The following EXD1 variants were observed in gnomAD, a reference collection of about 807,000 sequenced individuals.
EXD1 encodes piRNA biogenesis protein EXD1.
EXD1 carries 63 observed loss-of-function variants against 49.1 expected under a neutral mutation model. The ratio of observed to expected loss-of-function variants is 1.28; its 90% confidence interval spans 1.05 to 1.58. The LOEUF (loss-of-function observed/expected upper bound fraction) is 1.58. Among genes scored for constraint, EXD1 ranks in the 40% most tolerant of loss-of-function variants. The probability of loss-of-function intolerance (pLI) is 0.00; values close to 1 mark genes in which losing one functional copy is unlikely to be tolerated. For missense variants in EXD1, 748 were observed against 666.0 expected, an observed-to-expected ratio of 1.12 and a Z score of -1.36; for synonymous variants, 234 against 239.2, an observed-to-expected ratio of 0.98 and a Z score of 0.20.
intron 7 of EXD1, among the ~76,000 whole-genome samples, chr15:41,198,613 T>C (rs2046653570): frequency 6.6e-6 from 1 of 151,926 alleles, no homozygotes. Context: ...CACTTGAGCC[T>C]AGGAGCTCCA....
chr15:41,192,639 G>T, intron 9 of EXD1, among the ~76,000 whole-genome samples: 1 of 102,008 alleles, frequency 9.8e-6, no homozygotes, highest in Admixed American at 1.4e-4. Flanking sequence ...TTTTGAGATA[G>T]GGTCTTGCTC....
chr15:41,223,874 G>GA (rs1042144185), intron 2 of EXD1, among the ~76,000 whole-genome samples: 40 of 151,804 alleles, frequency 2.6e-4, no homozygotes, highest in Admixed American at 1.1e-3. Context: ...CAAAAAAAAA[G>GA]AAAAAATTAA....
At chr15:41,226,357 C>T in intron 2 of EXD1, 86 bp downstream of exon 2, 3 of 1,275,658 alleles carry the variant, frequency 2.4e-6, no homozygotes, top group Middle Eastern at 1.9e-4. Flanking sequence ...AGGAATAATG[C>T]CACCCTCCCA....
At position 41,189,918 on chromosome 15, in the gene EXD1, G is replaced by C; in HGVS notation, c.1056+19C>G. The C allele has an allele frequency of 6.2e-7, 1 of 1,609,628 alleles. No homozygotes were observed. Among genetic ancestry groups the C allele is most frequent in the South Asian group, 1.1e-5 (1 of 91,000 alleles). ...GAGAAGGCAGAAAGGAGGTCCTGAA[G>C]ACAGAGAGCTGCACCTACCTCAGTG... is the stretch of plus-strand genomic sequence containing the variant. On this transcript the variant is annotated intron_variant, in intron 11 of 11. Transcript: ENST00000458580.
In EXD1 at chr15:41,195,718, CT is replaced by C. The variant is rs1484237662; in HGVS notation, c.720+56del. ...CACTCATCAGATGACCAGATGAGCC[CT>C]TTTATCTACAGGAGCTGTATATACT... is the stretch of plus-strand genomic sequence containing the variant. On this transcript the variant is annotated intron_variant, in intron 9 of 11. Coordinates refer to ENST00000458580, the MANE Select transcript of EXD1 (RefSeq NM_001286441.2). The C allele has an allele frequency of 2.1e-6, 3 of 1,403,088 alleles. No individual in the cohort carries two copies. In the East Asian group the frequency reaches 7.3e-5, roughly 34 times the overall value. The allele number at this position is 1,403,088 out of a possible 1,614,324, so 86.9% of individuals were successfully genotyped here.
chr15:41,211,288 T>C (rs1236571290), intron 6 of EXD1, among the ~76,000 whole-genome samples: 2 of 151,878 alleles, frequency 1.3e-5, no homozygotes, highest in South Asian at 2.1e-4. Flanking sequence ...ATTTTTTGTA[T>C]TTTTTGTAGG....
At chr15:41,225,919 A>C (rs985626020) in intron 2 of EXD1, among the ~76,000 whole-genome samples, 2 of 124,216 alleles carry the variant, frequency 1.6e-5, no homozygotes, top group African/African-American at 7.3e-5. Flanking sequence ...AACAAAAAAA[A>C]CCTTTTTATA....
chr15:41,221,715 G>A (rs1460052862), intron 2 of EXD1, among the ~76,000 whole-genome samples: 5 of 151,592 alleles, frequency 3.3e-5, no homozygotes, highest in African/African-American at 1.2e-4. Context: ...CCTTCTCTTT[G>A]AATGATCATA....
At chr15:41,227,605 G>A (rs1458382440) in intron 1 of EXD1, among the ~76,000 whole-genome samples, 1 of 151,722 alleles carries the variant, frequency 6.6e-6, no homozygotes, top group Non-Finnish European at 1.5e-5. Context: ...GGGAGGCAGA[G>A]GTTGCAGTGA....
intron 7 of EXD1, among the ~76,000 whole-genome samples, chr15:41,199,728 A>ATCATATATATCATATG (rs376834936): frequency 3.3e-5 from 1 of 30,430 alleles, no homozygotes; most frequent in African/African-American, 8.2e-5. Flanking sequence ...TATATTATAT[A>ATCATATATATCATATG]TGATATATAT....
intron 10 of EXD1, 32 bp downstream of exon 10, chr15:41,191,410 A>T: frequency 6.4e-7 from 1 of 1,557,000 alleles, no homozygotes; most frequent in Non-Finnish European, 8.7e-7. Flanking sequence ...TTGAAAAAAA[A>T]TAATGTCATA....
chr15:41,226,786 C>T (rs2140910490), intron 1 of EXD1, among the ~76,000 whole-genome samples, 158 bp from the exon 2 acceptor site: 1 of 152,012 alleles, frequency 6.6e-6, no homozygotes. Flanking sequence ...TTGCAAGCAC[C>T]AACTCTCATA....
intron 2 of EXD1, among the ~76,000 whole-genome samples, chr15:41,226,045 G>T (rs182289935): frequency 6.6e-6 from 1 of 152,118 alleles, no homozygotes; most frequent in Non-Finnish European, 1.5e-5. Context: ...GAGGTCAGGA[G>T]ATCGAGACCA....
chr15:41,215,972 G>T, intron 5 of EXD1, 139 bp from the exon 6 acceptor site: 1 of 704,498 alleles, frequency 1.4e-6, no homozygotes, highest in South Asian at 1.6e-5. Flanking sequence ...CCCTCCCTAC[G>T]TACTACTTCT....
Position 41,196,343 on chromosome 15 carries a change from G to GTCTT in EXD1, c.535-310_535-307dup, listed in dbSNP as rs576404478. ...TTTTTTTTTTTTTTTTTGAGACAGA[G>GTCTT]TCTTGCTCTGTCACCTGGGCTGGAG... On this transcript the variant is annotated intron_variant, in intron 7 of 11. Transcript: ENST00000458580. Among the ~76,000 whole-genome samples, 45 of 133,556 alleles carry GTCTT rather than the reference G, an allele frequency of 3.4e-4. No homozygotes were observed. In the East Asian group the frequency reaches 8.2e-3, roughly 24 times the overall value. 87.6% of individuals were successfully genotyped at this position (133,556 alleles called of 152,430 possible). A position where few individuals can be genotyped will look rare whatever the true frequency, so the allele number is the denominator to read the frequency against.
chr15:41,186,867 T>C (rs2046415989), intron 11 of EXD1, among the ~76,000 whole-genome samples: 1 of 151,088 alleles, frequency 6.6e-6, no homozygotes, highest in African/African-American at 2.4e-5. Context: ...CTCCACCTCC[T>C]GGGTTCAAGC....
At chr15:41,202,162 A>T (rs1044549574) in intron 7 of EXD1, among the ~76,000 whole-genome samples, 49 of 147,426 alleles carry the variant, frequency 3.3e-4, no homozygotes, top group Admixed American at 1.5e-3. Flanking sequence ...ATATATATAT[A>T]TATATTTTTT....
chr15:41,190,000 G>A lies in EXD1; in HGVS notation c.993C>T (p.Thr331=), dbSNP rs1228693783. The change falls in exon 11 of 12, where the codon ACC becomes ACT. Residue 331 remains threonine (T), a synonymous_variant. Coordinates refer to ENST00000458580, the MANE Select transcript of EXD1 (RefSeq NM_001286441.2). ...LLDEMMSDLT[T]LVDGYLNTYR... The stretch of plus-strand genomic sequence containing the variant: ...ACGTGTTTAGGTAACCATCCACCAG[G>A]GTGGTTAGGTCAGACATCATCTCAT... The A allele has an allele frequency of 2.5e-6, 4 of 1,613,960 alleles. No homozygotes were observed. Among genetic ancestry groups the A allele is most frequent in the African/African-American group, 1.3e-5 (1 of 74,890 alleles).
At chr15:41,198,916 C>T (rs926096703) in intron 7 of EXD1, among the ~76,000 whole-genome samples, 1 of 151,368 alleles carries the variant, frequency 6.6e-6, no homozygotes, top group Non-Finnish European at 1.5e-5. Flanking sequence ...GATCCACTCA[C>T]CTAGGCCTCC....
Sources: allele counts gnomAD v4.1 joint callset (sites outside exome capture counted in the v4.1 genomes callset), GRCh38; gene constraint gnomAD v4.1.1; transcripts MANE v1.5; gene names NCBI Gene and HGNC (gene_info 2026-07-23, HGNC 2026-07-21).